FAM168B: variants seen among roughly 807,000 people sequenced by gnomAD.
FAM168B encodes the protein family with sequence similarity 168 member B.
In FAM168B, 19 loss-of-function variants were observed where a neutral mutation model predicts 21.8. The ratio of observed to expected loss-of-function variants is 0.87; its 90% CI spans 0.61 to 1.28. The LOEUF (loss-of-function observed/expected upper bound fraction) is 1.28. Among genes scored for constraint, FAM168B ranks in the 50% most tolerant of loss-of-function variants. The pLI, the probability that FAM168B is intolerant of heterozygous loss-of-function variation, is 0.00. For missense variants in FAM168B, 233 were observed against 263.1 expected (o/e 0.89, Z 0.79); for synonymous variants, 126 against 104.8 (o/e 1.20, Z -1.24).
At position 131,052,089 on chromosome 2, in the gene FAM168B, T is replaced by C. The variant is rs1014073987; in HGVS notation, c.*376A>G. 8.1e-6 allele frequency: 8 copies of C among 985,726 alleles called. No individual in the cohort carries two copies. The East Asian group carries it at 6.8e-4, about 84-fold the overall frequency. 61.1% of individuals were successfully genotyped at this position (985,726 alleles called of 1,614,324 possible). On this transcript the variant is annotated 3_prime_UTR_variant, in exon 7 of 7. Coordinates refer to ENST00000389915, the MANE Select transcript of FAM168B (RefSeq NM_001009993.4). ...ATACAAGTTGTAAAATACGTTTCCA[T>C]TCCTTTGGATTTTGCATATGATGGT...
chr2:131,056,026 A>G (rs746958344), intron 3 of FAM168B, among the ~76,000 whole-genome samples: 1 of 152,232 alleles, frequency 6.6e-6, no homozygotes, highest in Non-Finnish European at 1.5e-5. Flanking sequence ...TCCTGGGGCT[A>G]AACTTGGCAT....
At chr2:131,068,138 T>C (rs1227184080) in intron 3 of FAM168B, among the ~76,000 whole-genome samples, 1 of 152,154 alleles carries the variant, frequency 6.6e-6, no homozygotes, top group African/African-American at 2.4e-5. Flanking sequence ...CAACAGCACT[T>C]GTGGGACATC....
chr2:131,069,801 C>T (rs372267510), intron 3 of FAM168B, among the ~76,000 whole-genome samples: 1 of 148,402 alleles, frequency 6.7e-6, no homozygotes, highest in African/African-American at 2.5e-5. Flanking sequence ...CCAAGTTACA[C>T]AGGTTTATTA....
At chr2:131,057,032 T>C (rs991982423) in intron 3 of FAM168B, among the ~76,000 whole-genome samples, 3 of 152,116 alleles carry the variant, frequency 2.0e-5, no homozygotes, top group Non-Finnish European at 4.4e-5. Flanking sequence ...TAACTTATAA[T>C]ATGTAAATCA....
In FAM168B at chr2:131,059,479, T is replaced by A. The variant is rs75341050; in HGVS notation, c.155-3784A>T. On this transcript the variant is annotated intron_variant, in intron 3 of 6. Coordinates refer to ENST00000389915, the MANE Select transcript of FAM168B (RefSeq NM_001009993.4). ...CTAAAGGAGACACTGCCGAATGGGA[T>A]CCCCACTGTACGGCTTAATCCCAGT... Among the ~76,000 whole-genome samples the A allele has an allele frequency of 3.0e-3, 463 of 152,200 alleles. 1 individual carries two copies. The highest frequency in any genetic ancestry group is 0.011 in the African/African-American group (451 of 41,500).
At position 131,049,259 on chromosome 2, in the gene FAM168B, C is replaced by A. The variant is rs184101230; in HGVS notation, c.*3206G>T. ...TGATGCCACCAGAAAGAGCAAGGTA[C>A]TGTATGCCCAGCTGGGGAAGGGCAA... On this transcript the variant is annotated 3_prime_UTR_variant, in exon 7 of 7. Transcript: ENST00000389915. 10 of 985,406 alleles carry A rather than the reference C, an allele frequency of 1.0e-5. No homozygotes were observed. In the African/African-American group the frequency reaches 1.6e-4, roughly 15 times the overall value. The allele number at this position is 985,406 out of a possible 1,614,324, so 61.0% of individuals were successfully genotyped here. A position where few individuals can be genotyped will look rare whatever the true frequency, so the allele number is the denominator to read the frequency against.
At position 131,093,233 on chromosome 2, in the gene FAM168B, G is replaced by A. The variant is rs1033772918; in HGVS notation, c.-31C>T. Reference sequence around the variant, plus strand: ...ACTCACCGCGCCGCGGCGGCGACCTGGGCCTCAGTGACCAGCGCACGCCGG... The same window carrying A: ...ACTCACCGCGCCGCGGCGGCGACCTAGGCCTCAGTGACCAGCGCACGCCGG... On this transcript the variant is annotated 5_prime_UTR_variant, in exon 1 of 7. Coordinates refer to ENST00000389915, the MANE Select transcript of FAM168B (RefSeq NM_001009993.4). The A allele has an allele frequency of 2.0e-5, 3 of 150,474 alleles. No individual in the cohort carries two copies. Among genetic ancestry groups the A allele is most frequent in the African/African-American group, 7.3e-5 (3 of 41,284 alleles). The allele number at this position is 150,474 out of a possible 1,614,324, so 9.3% of individuals were successfully genotyped here.
At chr2:131,057,898 T>G (rs1372683797) in intron 3 of FAM168B, among the ~76,000 whole-genome samples, 1 of 152,144 alleles carries the variant, frequency 6.6e-6, no homozygotes, top group Non-Finnish European at 1.5e-5. Flanking sequence ...TGGTGCAATC[T>G]CAGCTCACTG....
At chr2:131,066,563 T>C (rs1432358249) in intron 3 of FAM168B, among the ~76,000 whole-genome samples, 3 of 151,400 alleles carry the variant, frequency 2.0e-5, no homozygotes, top group Non-Finnish European at 4.4e-5. Context: ...ACAGACTGTT[T>C]TGACAATTTC....
chr2:131,070,567 A>G (rs1235657263), intron 3 of FAM168B, among the ~76,000 whole-genome samples: 1 of 152,240 alleles, frequency 6.6e-6, no homozygotes, highest in Non-Finnish European at 1.5e-5. Flanking sequence ...CTCAAGAGAA[A>G]TCAAAGTGTA....
chr2:131,075,796 T>A (rs1655405227), intron 2 of FAM168B, among the ~76,000 whole-genome samples: 2 of 152,048 alleles, frequency 1.3e-5, no homozygotes, highest in Admixed American at 6.6e-5. Context: ...CCCCCCAGTT[T>A]CTAACAAGAA....
chr2:131,091,309 A>C (rs1694011282), intron 1 of FAM168B, among the ~76,000 whole-genome samples: 1 of 151,908 alleles, frequency 6.6e-6, no homozygotes, highest in South Asian at 2.1e-4. Flanking sequence ...ACTGCACTCC[A>C]GCCTGGGCGA....
chr2:131,079,821 A>T (rs992640143), intron 2 of FAM168B, among the ~76,000 whole-genome samples: 29 of 148,710 alleles, frequency 2.0e-4, no homozygotes, highest in Non-Finnish European at 3.3e-4. Flanking sequence ...CTTGTGGTTT[A>T]AAAAAAAAAA....
chr2:131,055,475 C>T lies in FAM168B; in HGVS notation c.298-26G>A, dbSNP rs375144049. On this transcript the variant is annotated intron_variant, in intron 4 of 6. Coordinates refer to ENST00000389915, the MANE Select transcript of FAM168B (RefSeq NM_001009993.4). ...CTGTGGGGAGAAGAGAGACAACTGA[C>T]ACAGGGTCCCAGGGCCAAAGGATGA... 2.1e-5 allele frequency: 33 copies of T among 1,604,284 alleles called. 1 individual carries two copies. The highest frequency in any genetic ancestry group is 1.8e-4 in the South Asian group (16 of 89,868).
Position 131,049,157 on chromosome 2 carries a change from T to C in FAM168B, c.*3308A>G. 2.0e-6 allele frequency: 2 copies of C among 985,366 alleles called. No homozygotes were observed. Among genetic ancestry groups the C allele is most frequent in the Non-Finnish European group, 2.4e-6 (2 of 829,928 alleles). 61.0% of individuals were successfully genotyped at this position (985,366 alleles called of 1,614,324 possible). ...AGTACGTCGCAAGTTGCTGTAATAA[T>C]GTATTTCCTCTCGTTACTGTTGTGT... On this transcript the variant is annotated 3_prime_UTR_variant, in exon 7 of 7. Transcript: ENST00000389915.
chr2:131,047,983 T>C lies in FAM168B; in HGVS notation c.*4482A>G, dbSNP rs1417097102. ...TTAAATCTGAGCTCATCTCATCAGA[T>C]TGCATAAAAAATTAAAATAGTATCA... On this transcript the variant is annotated 3_prime_UTR_variant, in exon 7 of 7. Transcript: ENST00000389915. The C allele has an allele frequency of 3.3e-5, 9 of 272,856 alleles. No homozygotes were observed. The highest frequency in any genetic ancestry group is 1.8e-4 in the African/African-American group (8 of 45,412). 16.9% of individuals were successfully genotyped at this position (272,856 alleles called of 1,614,324 possible).
chr2:131,082,978 T>A (rs1693495142), intron 1 of FAM168B, among the ~76,000 whole-genome samples: 1 of 152,134 alleles, frequency 6.6e-6, no homozygotes, highest in Non-Finnish European at 1.5e-5. Context: ...CCCAGCACTT[T>A]GGGAGGCCGA....
intron 3 of FAM168B, among the ~76,000 whole-genome samples, chr2:131,066,349 G>C (rs1259551754): frequency 6.6e-6 from 1 of 151,902 alleles, no homozygotes; most frequent in African/African-American, 2.4e-5. Context: ...CTAATTTTCT[G>C]TATTTTTAGT....
chr2:131,082,310 G>A (rs1693464211), intron 2 of FAM168B, among the ~76,000 whole-genome samples: 1 of 152,106 alleles, frequency 6.6e-6, no homozygotes, highest in Non-Finnish European at 1.5e-5. Context: ...AGAAGGAGTG[G>A]GACCTGTGAC....
Sources: allele counts gnomAD v4.1 joint callset (sites outside exome capture counted in the v4.1 genomes callset), GRCh38; gene constraint gnomAD v4.1.1; transcripts MANE v1.5; gene names NCBI Gene and HGNC (gene_info 2026-07-23, HGNC 2026-07-21).